ARB2A: variants seen among roughly 807,000 people sequenced by gnomAD.
The protein encoded by ARB2A is ARB2 cotranscriptional regulator A.
the ARB2A span, among the ~76,000 whole-genome samples, chr5:94,019,956 A>T: frequency 6.6e-6 from 1 of 152,102 alleles, no homozygotes; most frequent in Non-Finnish European, 1.5e-5. Context: ...TCATTCACAT[A>T]CCTTCAGCGT....
the ARB2A span, among the ~76,000 whole-genome samples, chr5:93,751,994 TG>T: frequency 6.6e-6 from 1 of 151,962 alleles, no homozygotes; most frequent in Non-Finnish European, 1.5e-5. Context: ...ACATTTGGGC[TG>T]GGGGGATGTG....
chr5:94,074,567 A>C, the ARB2A span: 1 of 1,073,192 alleles, frequency 9.3e-7, no homozygotes, highest in Non-Finnish European at 1.4e-6. Flanking sequence ...ATTTGAAATG[A>C]ATGGAAGGTC....
At chr5:94,104,670 A>T in the ARB2A span, among the ~76,000 whole-genome samples, 1 of 152,096 alleles carries the variant, frequency 6.6e-6, no homozygotes, top group African/African-American at 2.4e-5. Flanking sequence ...CATCATTCTG[A>T]TACCATAACT....
At chr5:93,755,466 A>G in the ARB2A span, among the ~76,000 whole-genome samples, 1 of 152,206 alleles carries the variant, frequency 6.6e-6, no homozygotes, top group Non-Finnish European at 1.5e-5. Context: ...CTAGCTCTAG[A>G]TTGACTGCAA....
the ARB2A span, among the ~76,000 whole-genome samples, chr5:93,917,491 T>C: frequency 6.6e-6 from 1 of 152,216 alleles, no homozygotes; most frequent in South Asian, 2.1e-4. Flanking sequence ...TTTTGCTTCA[T>C]TTATTCAATC....
At chr5:93,962,143 A>G in the ARB2A span, among the ~76,000 whole-genome samples, 1 of 152,234 alleles carries the variant, frequency 6.6e-6, no homozygotes, top group Non-Finnish European at 1.5e-5. Flanking sequence ...AGGAATACAC[A>G]TAATGGTCAT....
the ARB2A span, chr5:93,743,131 C>A: frequency 2.0e-5 from 3 of 152,178 alleles, no homozygotes; most frequent in Admixed American, 2.0e-4. Flanking sequence ...TAAATTCAAC[C>A]CAACACTACA....
chr5:93,737,933 T>C, the ARB2A span: 1 of 449,480 alleles, frequency 2.2e-6, no homozygotes, highest in African/African-American at 2.0e-5. Flanking sequence ...TTTGGCAACA[T>C]GAAAAGCCTA....
the ARB2A span, among the ~76,000 whole-genome samples, chr5:94,054,045 A>C: frequency 1.3e-5 from 2 of 152,352 alleles, no homozygotes; most frequent in South Asian, 4.1e-4. Flanking sequence ...CTGGGATTAC[A>C]GGCTTAGCCG....
At chr5:93,733,117 G>T in the ARB2A span, 1 of 150,122 alleles carries the variant, frequency 6.7e-6, no homozygotes, top group African/African-American at 2.4e-5. Flanking sequence ...CTAATTTTTT[G>T]TTGTTAAACT....
chr5:93,844,922 T>C, the ARB2A span, among the ~76,000 whole-genome samples: 1 of 152,332 alleles, frequency 6.6e-6, no homozygotes, highest in Non-Finnish European at 1.5e-5. Context: ...TGCTGCAGTA[T>C]CAGCTGAGGA....
the ARB2A span, among the ~76,000 whole-genome samples, chr5:93,896,451 G>A: frequency 1.2e-4 from 18 of 152,172 alleles, no homozygotes; most frequent in East Asian, 1.9e-3. Flanking sequence ...TGTATAAGGT[G>A]TATGTGAAAT....
chr5:93,755,563 A>G, the ARB2A span, among the ~76,000 whole-genome samples: 2 of 152,230 alleles, frequency 1.3e-5, no homozygotes, highest in African/African-American at 4.8e-5. Flanking sequence ...TGAGTGCCCC[A>G]ACTGCGGAAG....
chr5:93,920,899 T>C, the ARB2A span, among the ~76,000 whole-genome samples: 6,240 of 152,124 alleles, frequency 0.041, 183 homozygotes, highest in East Asian at 0.14. Context: ...CTTCAGTAAA[T>C]TGCATATCCC....
At chr5:93,964,554 C>T in the ARB2A span, 1 of 1,456,066 alleles carries the variant, frequency 6.9e-7, no homozygotes, top group African/African-American at 1.4e-5. Flanking sequence ...ACATTAAGAT[C>T]CAATGTCATC....
chr5:93,831,339 C>T, the ARB2A span, among the ~76,000 whole-genome samples: 1 of 149,254 alleles, frequency 6.7e-6, no homozygotes, highest in South Asian at 2.1e-4. Flanking sequence ...AATGATTTTG[C>T]CTACAAAGTA....
the ARB2A span, among the ~76,000 whole-genome samples, chr5:93,775,274 C>A: frequency 6.6e-6 from 1 of 152,138 alleles, no homozygotes; most frequent in African/African-American, 2.4e-5. Flanking sequence ...ATATTTTCAA[C>A]TTTAAGTACT....
chr5:93,828,187 T>C, the ARB2A span, among the ~76,000 whole-genome samples: 3 of 152,190 alleles, frequency 2.0e-5, no homozygotes, highest in African/African-American at 7.2e-5. Flanking sequence ...TTGGGCAGTA[T>C]GGCCACTTTC....
the ARB2A span, among the ~76,000 whole-genome samples, chr5:93,756,143 G>A: frequency 1.3e-5 from 2 of 152,092 alleles, no homozygotes; most frequent in African/African-American, 2.4e-5. Flanking sequence ...CTCTGCAGAG[G>A]CAGCCATAAT....
Sources: allele counts gnomAD v4.1 joint callset (sites outside exome capture counted in the v4.1 genomes callset), GRCh38; gene constraint gnomAD v4.1.1; transcripts MANE v1.5; gene names NCBI Gene and HGNC (gene_info 2026-07-23, HGNC 2026-07-21).